The following ITGA11 variants were observed in gnomAD, a reference collection of about 807,000 sequenced individuals.
ITGA11 encodes integrin subunit alpha 11, also known as integrin alpha-11.
A neutral mutation model predicts 141.9 loss-of-function variants in ITGA11; 97 were observed. That is an observed-to-expected ratio of 0.68 (90% CI 0.58 to 0.81). ITGA11 has a LOEUF of 0.81. ITGA11 is among the 30% of genes least tolerant of loss of function. ITGA11 has a pLI of 0.00. For missense variants in ITGA11, 1,387 were observed against 1,559.2 expected, an observed-to-expected ratio of 0.89 and a Z score of 1.86; for synonymous variants, 658 against 624.6, an observed-to-expected ratio of 1.05 and a Z score of -0.80.
At chr15:68,341,210 T>C (rs1894558869) in intron 10 of ITGA11, among the ~76,000 whole-genome samples, 1 of 152,234 alleles carries the variant, frequency 6.6e-6, no homozygotes, top group African/African-American at 2.4e-5. Context: ...TACTTTCTAA[T>C]TAGCCTTCTT....
intron 22 of ITGA11, among the ~76,000 whole-genome samples, chr15:68,315,311 C>T (rs1007825511): frequency 1.3e-5 from 2 of 152,182 alleles, no homozygotes; most frequent in African/African-American, 4.8e-5. Flanking sequence ...TCTTAAGGGG[C>T]CTCTGTGAGG....
chr15:68,385,459 T>C (rs1465819030), intron 2 of ITGA11, among the ~76,000 whole-genome samples: 3 of 152,232 alleles, frequency 2.0e-5, no homozygotes, highest in Admixed American at 2.0e-4. Flanking sequence ...TCTTCAGGGA[T>C]TGCCTTTGCA....
At chr15:68,354,689 G>A (rs1019733489) in intron 7 of ITGA11, among the ~76,000 whole-genome samples, 1 of 152,116 alleles carries the variant, frequency 6.6e-6, no homozygotes, top group Non-Finnish European at 1.5e-5. Context: ...GCCTCCTCCT[G>A]GCAGTTCTCC....
rs1455667623 is a variant in ITGA11 at position 68,328,369 on chromosome 15, CTGGAGGGGGTGAGGTGGAGGA to C, written c.1902-128_1902-108del. The C allele has an allele frequency of 2.1e-5, 18 of 859,882 alleles. No individual in the cohort carries two copies. Among genetic ancestry groups the C allele is most frequent in the East Asian group, 1.1e-4 (4 of 35,698 alleles). The allele number at this position is 859,882 out of a possible 1,614,324, so 53.3% of individuals were successfully genotyped here. A position where few individuals can be genotyped will look rare whatever the true frequency, so the allele number is the denominator to read the frequency against. ...GATGCGAGTGGGATCTGCAAAGCCA[CTGGAGGGGGTGAGGTGGAGGA>C]TGGAGGGGGCGAGGTGGAGGATGGA... On this transcript the variant is annotated intron_variant, in intron 15 of 29. Coordinates refer to ENST00000315757, the MANE Select transcript of ITGA11 (RefSeq NM_001004439.2). The surrounding 1 kb of genome is among the most constrained non-coding windows in gnomAD (Gnocchi z 4.8).
chr15:68,405,009 C>G (rs570285154), intron 1 of ITGA11, among the ~76,000 whole-genome samples: 68 of 152,298 alleles, frequency 4.5e-4, no homozygotes, highest in African/African-American at 1.6e-3. Context: ...GGTAGGGCCT[C>G]TGAATTTGAG....
At position 68,308,047 on chromosome 15, in the gene ITGA11, A is replaced by G. The variant is rs1893258788; in HGVS notation, c.3175-351T>C. 6.6e-6 allele frequency among the ~76,000 whole-genome samples: 1 copy of G among 152,230 alleles called. No homozygotes were observed. The highest frequency in any genetic ancestry group is 6.5e-5 in the Admixed American group (1 of 15,284). ...ATGATCGCTGCAACAGATGCAGAAA[A>G]AGTATTTTAGGAAGTCCAACTTCTG... On this transcript the variant is annotated intron_variant, in intron 26 of 29. Coordinates refer to ENST00000315757, the MANE Select transcript of ITGA11 (RefSeq NM_001004439.2). The surrounding 1 kb of genome is among the most constrained non-coding windows in gnomAD (Gnocchi z 5.2).
chr15:68,395,288 TC>T (rs1418297935), intron 2 of ITGA11, among the ~76,000 whole-genome samples: 2 of 152,106 alleles, frequency 1.3e-5, no homozygotes, highest in Non-Finnish European at 2.9e-5. Context: ...GGATCGCAGA[TC>T]CTCACCAGCA....
intron 15 of ITGA11, 47 bp downstream of exon 15, chr15:68,330,934 G>T (rs1392171612): frequency 1.2e-6 from 2 of 1,609,856 alleles, no homozygotes; most frequent in Admixed American, 3.3e-5. Context: ...TGGATTCATT[G>T]TGACTTTCAG....
chr15:68,330,551 T>G lies in ITGA11; in HGVS notation c.1901+430A>C, dbSNP rs574190068. Among the ~76,000 whole-genome samples, 23 of 150,654 alleles carry G rather than the reference T, an allele frequency of 1.5e-4. No individual in the cohort carries two copies. The South Asian group carries it at 4.8e-3, about 32-fold the overall frequency. On this transcript the variant is annotated intron_variant, in intron 15 of 29. Coordinates refer to ENST00000315757, the MANE Select transcript of ITGA11 (RefSeq NM_001004439.2). ...AAAATAAATGGGTGTTTAGGAAGCATGAAAATGAGGCCCTGAAGAAAGGAA... is the reference window on the plus strand; with the variant it reads ...AAAATAAATGGGTGTTTAGGAAGCAGGAAAATGAGGCCCTGAAGAAAGGAA...
intron 1 of ITGA11, among the ~76,000 whole-genome samples, chr15:68,418,424 T>C (rs1164418708): frequency 1.3e-5 from 2 of 152,206 alleles, no homozygotes; most frequent in Non-Finnish European, 2.9e-5. Flanking sequence ...CTAAATTGCT[T>C]TGCAACTTTG....
intron 2 of ITGA11, among the ~76,000 whole-genome samples, chr15:68,387,823 T>A (rs188013769): frequency 6.6e-6 from 1 of 151,926 alleles, no homozygotes; most frequent in Non-Finnish European, 1.5e-5. Flanking sequence ...CACAATCCTC[T>A]CCTCTTCTGC....
rs374284354 is a variant in ITGA11, at chr15:68,388,115, T to G, written c.164+14803A>C. Among the ~76,000 whole-genome samples the G allele has an allele frequency of 5.9e-5, 9 of 152,268 alleles. No homozygotes were observed. The East Asian group carries it at 9.7e-4, about 16-fold the overall frequency. ...CAAAGCCTGCACCCTGTTGCTGGAT[T>G]TTGCTTTTGTGTAAAGGATACCACA... On this transcript the variant is annotated intron_variant, in intron 2 of 29. Transcript: ENST00000315757.
At chr15:68,384,497 G>A (rs1595886381) in intron 2 of ITGA11, among the ~76,000 whole-genome samples, 1 of 152,174 alleles carries the variant, frequency 6.6e-6, no homozygotes, top group Non-Finnish European at 1.5e-5. Flanking sequence ...GAGGACGAAT[G>A]TCTGGATTTC....
chr15:68,343,823 C>A (rs1157005845), intron 10 of ITGA11, among the ~76,000 whole-genome samples: 1 of 152,074 alleles, frequency 6.6e-6, no homozygotes. Context: ...TTTCAACAAG[C>A]TTGAAGTGGA....
At chr15:68,373,954 T>C (rs1895662514) in intron 2 of ITGA11, among the ~76,000 whole-genome samples, 1 of 152,234 alleles carries the variant, frequency 6.6e-6, no homozygotes. Context: ...ATAGGCTCAA[T>C]GACTACCTTT....
chr15:68,376,193 T>A (rs546596132), intron 2 of ITGA11, among the ~76,000 whole-genome samples: 1 of 151,854 alleles, frequency 6.6e-6, no homozygotes, highest in Non-Finnish European at 1.5e-5. Flanking sequence ...TCACCACGCC[T>A]TCTGAGGCTC....
chr15:68,426,314 C>T (rs964070738), intron 1 of ITGA11, among the ~76,000 whole-genome samples: 19 of 152,144 alleles, frequency 1.2e-4, no homozygotes, highest in Admixed American at 3.3e-4. Flanking sequence ...TTCTGATTAG[C>T]GGAATGGGAG....
At chr15:68,371,821 A>C (rs72743280) in intron 2 of ITGA11, among the ~76,000 whole-genome samples, 28,181 of 152,054 alleles carry the variant, frequency 0.19, 2,860 homozygotes, top group African/African-American at 0.22. Flanking sequence ...GTGTCCTGGC[A>C]GTGGCTGAGA....
intron 1 of ITGA11, among the ~76,000 whole-genome samples, chr15:68,412,501 A>G (rs770467657): frequency 1.3e-5 from 2 of 152,020 alleles, no homozygotes; most frequent in Non-Finnish European, 2.9e-5. Flanking sequence ...TGGGCTCTGG[A>G]GCAGCTCTGT....
Sources: allele counts gnomAD v4.1 joint callset (sites outside exome capture counted in the v4.1 genomes callset), GRCh38; gene constraint gnomAD v4.1.1; non-coding constraint Gnocchi (gnomAD v3.1); transcripts MANE v1.5; gene names NCBI Gene and HGNC (gene_info 2026-07-23, HGNC 2026-07-21).